The following GUCY1A2 variants were observed in gnomAD, a reference collection of about 807,000 sequenced individuals.
GUCY1A2 encodes the protein guanylate cyclase 1 soluble subunit alpha 2.
In GUCY1A2, 27 loss-of-function variants were observed where a neutral mutation model predicts 63.5. The observed-to-expected ratio is 0.43, with a 90% CI of 0.31 to 0.59. GUCY1A2 has a LOEUF of 0.59. Among genes scored for constraint, GUCY1A2 ranks in the 20% least tolerant of loss-of-function variants. The pLI, the probability that GUCY1A2 is intolerant of heterozygous loss-of-function variation, is 0.11. For synonymous variants in GUCY1A2, 364 were observed against 343.5 expected, an observed-to-expected ratio of 1.06 and a Z score of -0.66; for missense variants, 768 against 913.3, an observed-to-expected ratio of 0.84 and a Z score of 2.05.
intron 4 of GUCY1A2, among the ~76,000 whole-genome samples, chr11:106,837,776 T>G (rs1175814423): frequency 8.5e-5 from 13 of 152,050 alleles, no homozygotes; most frequent in Non-Finnish European, 1.5e-4. Flanking sequence ...ACATAAAAAT[T>G]TATAGTCACC....
chr11:107,006,390 A>G (rs1005896731), intron 1 of GUCY1A2, among the ~76,000 whole-genome samples: 1 of 152,200 alleles, frequency 6.6e-6, no homozygotes, highest in Non-Finnish European at 1.5e-5. Context: ...CCCAAAGTCA[A>G]ATTAGAACAA....
At chr11:106,728,809 C>G (rs966912919) in intron 6 of GUCY1A2, among the ~76,000 whole-genome samples, 2 of 152,108 alleles carry the variant, frequency 1.3e-5, no homozygotes, top group Non-Finnish European at 2.9e-5. Context: ...CTCTATTTAT[C>G]TTTATGTAAG....
intron 5 of GUCY1A2, among the ~76,000 whole-genome samples, chr11:106,783,006 G>A (rs1446295272): frequency 6.6e-6 from 1 of 152,062 alleles, no homozygotes; most frequent in Non-Finnish European, 1.5e-5. Flanking sequence ...AAGGTATTAG[G>A]TCCATGGAAC....
intron 4 of GUCY1A2, among the ~76,000 whole-genome samples, chr11:106,868,407 G>A (rs1275207969): frequency 6.6e-6 from 1 of 152,068 alleles, no homozygotes; most frequent in Non-Finnish European, 1.5e-5. Flanking sequence ...CTTCAGCAAA[G>A]TCTCAGGATA....
intron 1 of GUCY1A2, among the ~76,000 whole-genome samples, chr11:106,994,841 A>G (rs1286619923): frequency 3.3e-5 from 5 of 152,156 alleles, no homozygotes; most frequent in African/African-American, 1.2e-4. Flanking sequence ...TCTTTAATGG[A>G]ATGAAAATGA....
At chr11:106,830,529 C>A (rs1055214926) in intron 4 of GUCY1A2, among the ~76,000 whole-genome samples, 3 of 152,190 alleles carry the variant, frequency 2.0e-5, no homozygotes, top group African/African-American at 7.2e-5. Context: ...GCCAGCGCTG[C>A]CAGAATAAAA....
Position 106,936,634 on chromosome 11 carries a change from A to T in GUCY1A2, c.1206+2826T>A, listed in dbSNP as rs758262216. ...TCAAAGCTTGGTCAAGCCATCTGGAAGAGTTTTTTTCTAACCTCAAGACTG... is the reference window on the plus strand; with the variant it reads ...TCAAAGCTTGGTCAAGCCATCTGGATGAGTTTTTTTCTAACCTCAAGACTG... On this transcript the variant is annotated intron_variant, in intron 4 of 7. Coordinates refer to ENST00000526355, the MANE Select transcript of GUCY1A2 (RefSeq NM_000855.3). 7 of 1,462,598 alleles carry T rather than the reference A, an allele frequency of 4.8e-6. 1 individual carries two copies. In the South Asian group the frequency reaches 8.6e-5, roughly 18 times the overall value. 90.6% of individuals were successfully genotyped at this position (1,462,598 alleles called of 1,614,324 possible). A position where few individuals can be genotyped will look rare whatever the true frequency, so the allele number is the denominator to read the frequency against.
intron 5 of GUCY1A2, among the ~76,000 whole-genome samples, chr11:106,803,483 G>A (rs148424790): frequency 1.6e-4 from 25 of 152,066 alleles, no homozygotes; most frequent in African/African-American, 2.4e-4. Context: ...TCTAGTAAGC[G>A]TTGGATACAC....
intron 4 of GUCY1A2, among the ~76,000 whole-genome samples, chr11:106,861,914 T>A (rs988874188): frequency 1.3e-5 from 2 of 152,040 alleles, no homozygotes; most frequent in Non-Finnish European, 2.9e-5. Flanking sequence ...AAAACTCTGA[T>A]AAACTAATGG....
chr11:106,834,139 T>TG (rs1293749549), intron 4 of GUCY1A2, among the ~76,000 whole-genome samples: 2 of 152,020 alleles, frequency 1.3e-5, no homozygotes, highest in Non-Finnish European at 2.9e-5. Flanking sequence ...GCCATCATGC[T>TG]GTACATTAGG....
At chr11:106,847,933 G>T (rs1361717609) in intron 4 of GUCY1A2, among the ~76,000 whole-genome samples, 5 of 151,690 alleles carry the variant, frequency 3.3e-5, no homozygotes, top group African/African-American at 4.8e-5. Flanking sequence ...GAAAATCTCT[G>T]TTTCTACAAA....
chr11:106,700,543 G>C (rs1862802115), intron 7 of GUCY1A2, among the ~76,000 whole-genome samples: 1 of 152,106 alleles, frequency 6.6e-6, no homozygotes, highest in South Asian at 2.1e-4. Flanking sequence ...TAATGTTGCT[G>C]TTTGTAATTG....
intron 5 of GUCY1A2, among the ~76,000 whole-genome samples, chr11:106,799,342 A>G (rs1864826540): frequency 6.6e-6 from 1 of 152,196 alleles, no homozygotes; most frequent in African/African-American, 2.4e-5. Flanking sequence ...TCTAGATTCA[A>G]TGCCATCCCC....
chr11:106,909,310 A>T (rs1455278673), intron 4 of GUCY1A2, among the ~76,000 whole-genome samples: 2 of 149,492 alleles, frequency 1.3e-5, no homozygotes, highest in East Asian at 3.9e-4. Flanking sequence ...CAATATTGAC[A>T]TTGATAAAAT....
intron 5 of GUCY1A2, among the ~76,000 whole-genome samples, chr11:106,797,717 A>G (rs1444627279): frequency 6.6e-6 from 1 of 152,220 alleles, no homozygotes. Flanking sequence ...CTTTGAAACC[A>G]GTGAGAACAA....
chr11:106,956,375 T>G (rs1039583064), intron 3 of GUCY1A2, among the ~76,000 whole-genome samples: 8 of 152,118 alleles, frequency 5.3e-5, no homozygotes, highest in African/African-American at 1.9e-4. Context: ...GTTTACAGCA[T>G]TTTTTCATTG....
chr11:106,751,822 A>G (rs1863886891), intron 6 of GUCY1A2, among the ~76,000 whole-genome samples: 1 of 152,210 alleles, frequency 6.6e-6, no homozygotes, highest in African/African-American at 2.4e-5. Flanking sequence ...TGTAAAACCA[A>G]TGTATGAAAA....
At chr11:106,728,381 T>C (rs1863444015) in intron 6 of GUCY1A2, among the ~76,000 whole-genome samples, 1 of 152,200 alleles carries the variant, frequency 6.6e-6, no homozygotes, top group Admixed American at 6.5e-5. Context: ...TTTTAGTACA[T>C]ATATATCATA....
At chr11:106,828,537 T>A (rs1179266013) in intron 4 of GUCY1A2, among the ~76,000 whole-genome samples, 2 of 152,230 alleles carry the variant, frequency 1.3e-5, no homozygotes, top group African/African-American at 4.8e-5. Flanking sequence ...AGAATTTTTT[T>A]ATTTTAACAA....
Sources: gnomAD v4.1 joint callset for allele counts (sites outside exome capture counted in the v4.1 genomes callset) on GRCh38, gnomAD v4.1.1 for gene constraint, MANE v1.5 for transcripts, NCBI Gene and HGNC (gene_info 2026-07-23, HGNC 2026-07-21) for gene names.